KAT6B: variants seen among roughly 807,000 people sequenced by gnomAD.
KAT6B encodes lysine acetyltransferase 6B.
Under a neutral mutation model 187.5 loss-of-function variants are expected in KAT6B, and 10 were observed. The observed-to-expected ratio is 0.05, with a 90% CI of 0.03 to 0.09. KAT6B has a LOEUF of 0.09. Among genes scored for constraint, KAT6B ranks in the 10% least tolerant of loss-of-function variants. The probability of loss-of-function intolerance (pLI) is 1.00; values close to 1 mark genes in which losing one functional copy is unlikely to be tolerated. For missense variants in KAT6B, 1,952 were observed against 2,558.9 expected, an observed-to-expected ratio of 0.76 and a Z score of 5.12; for synonymous variants, 861 against 926.8, an observed-to-expected ratio of 0.93 and a Z score of 1.29.
chr10:74,830,267 G>GT (rs990260692), intron 1 of KAT6B, among the ~76,000 whole-genome samples: 1 of 151,894 alleles, frequency 6.6e-6, no homozygotes, highest in Admixed American at 6.6e-5. Context: ...ACCAATTTTC[G>GT]TATCATCTAT....
Position 75,031,321 on chromosome 10 carries a change from T to A in KAT6B, c.*275T>A. ...GAAGGCCTCTCTTTGGACTACAATT[T>A]GGAGGCAGCCACTTGTTGTGCCTGC... On this transcript the variant is annotated 3_prime_UTR_variant, in exon 18 of 18. Transcript: ENST00000287239. 1 of 469,258 alleles carries A rather than the reference T, an allele frequency of 2.1e-6. No individual in the cohort carries two copies. 29.1% of individuals were successfully genotyped at this position (469,258 alleles called of 1,614,324 possible). A position where few individuals can be genotyped will look rare whatever the true frequency, so the allele number is the denominator to read the frequency against.
chr10:74,863,689 T>TTA (rs2132315730), intron 3 of KAT6B, among the ~76,000 whole-genome samples: 1 of 152,304 alleles, frequency 6.6e-6, no homozygotes, highest in African/African-American at 2.4e-5. Context: ...TTTCTTTGAT[T>TTA]ACTAATGACT....
chr10:74,835,402 G>C, intron 1 of KAT6B, among the ~76,000 whole-genome samples: 1 of 152,198 alleles, frequency 6.6e-6, no homozygotes, highest in Non-Finnish European at 1.5e-5. Context: ...CCTTTAAAGC[G>C]AATCTTATGG....
rs149966353 is a variant in KAT6B, at chr10:75,030,996, A to G, written c.6172A>G (p.Asn2058Asp). Residue 2058 changes from asparagine to aspartate, a missense_variant, in exon 18 of 18, where the codon AAC becomes GAC. Asn to Asp is a conservative substitution (Grantham distance 23). Around this residue, in one of 9 missense-constraint regions of KAT6B, gnomAD observed 358 missense variants for 436.3 expected, o/e 0.82. Transcript: ENST00000287239. The surrounding 1 kb of genome is among the most constrained non-coding windows in gnomAD (Gnocchi z 4.8). The stretch of plus-strand genomic sequence containing the variant: ...GGCCCCCGGACATCACGGCTACATG[A>G]ACACAGGCATGTCCAAACAGTCTCT... The part of the protein sequence containing the change: ...YTAPGHHGYM[N>D]TGMSKQSLNG... 5 of 1,614,064 alleles carry G rather than the reference A, an allele frequency of 3.1e-6. No individual in the cohort carries two copies. Among genetic ancestry groups the G allele is most frequent in the Non-Finnish European group, 4.2e-6 (5 of 1,180,036 alleles).
intron 3 of KAT6B, among the ~76,000 whole-genome samples, chr10:74,869,896 A>G (rs1386210182): frequency 1.3e-5 from 2 of 152,190 alleles, no homozygotes; most frequent in Non-Finnish European, 2.9e-5. Context: ...CACCAAACTT[A>G]GAAGGTTTTT....
intron 13 of KAT6B, among the ~76,000 whole-genome samples, chr10:75,009,553 G>T (rs546278961): frequency 6.6e-6 from 1 of 152,176 alleles, no homozygotes; most frequent in African/African-American, 2.4e-5. Flanking sequence ...CAGAATAGCG[G>T]TTCATTCCAG....
chr10:74,838,950 T>C (rs1271309984), intron 2 of KAT6B, among the ~76,000 whole-genome samples, 198 bp downstream of exon 2: 2 of 152,042 alleles, frequency 1.3e-5, no homozygotes, highest in Non-Finnish European at 2.9e-5. Flanking sequence ...ATCAGGAGTT[T>C]GAGTCCAGCC....
rs897862991 is a variant in KAT6B, at chr10:75,029,855, T to C, written c.5031T>C (p.Thr1677=). ...ACCTGGGCAGTATCGAGAGCACAAC[T>C]GAGAACTACGAAAACCCAAGCAGCT... is the stretch of plus-strand genomic sequence containing the variant. ...FSDLGSIEST[T]ENYENPSSYD... Residue 1677 remains threonine, a synonymous_variant, in exon 18 of 18, where the codon ACT becomes ACC. Transcript: ENST00000287239. The surrounding 1 kb of genome is among the most constrained non-coding windows in gnomAD (Gnocchi z 6.2). 1.9e-6 allele frequency: 3 copies of C among 1,614,148 alleles called. No individual in the cohort carries two copies. Among genetic ancestry groups the C allele is most frequent in the Middle Eastern group, 1.6e-4 (1 of 6,062 alleles).
intron 3 of KAT6B, among the ~76,000 whole-genome samples, chr10:74,912,166 A>AT (rs573223816): frequency 1.7e-4 from 26 of 150,306 alleles, no homozygotes; most frequent in South Asian, 1.3e-3. Flanking sequence ...ATTATGCTCA[A>AT]TTTTTTTTTT....
intron 3 of KAT6B, among the ~76,000 whole-genome samples, chr10:74,858,454 T>C (rs575922197): frequency 3.9e-5 from 6 of 152,166 alleles, no homozygotes; most frequent in African/African-American, 1.4e-4. Context: ...AATTTTTGTA[T>C]ATTTGATAGG....
chr10:74,997,989 G>A (rs568214936), intron 13 of KAT6B, among the ~76,000 whole-genome samples: 38 of 152,138 alleles, frequency 2.5e-4, no homozygotes, highest in Admixed American at 3.9e-4. Flanking sequence ...ATGGGTGCCT[G>A]TAATCCCAGC....
chr10:74,932,242 T>C (rs1308900927), intron 3 of KAT6B, among the ~76,000 whole-genome samples: 1 of 152,232 alleles, frequency 6.6e-6, no homozygotes, highest in Non-Finnish European at 1.5e-5. Context: ...TTTTGAGCAA[T>C]TAACATGCAC....
chr10:74,911,442 AT>A (rs1205142656), intron 3 of KAT6B, among the ~76,000 whole-genome samples: 2 of 151,526 alleles, frequency 1.3e-5, no homozygotes, highest in Non-Finnish European at 1.5e-5. Context: ...AATTTTTTGT[AT>A]TTTTAGTAGA....
rs1287925635 is a variant in KAT6B, at chr10:75,022,176, T to A, written c.3317T>A (p.Ile1106Asn). Residue 1106 changes from isoleucine (I) to asparagine (N), a missense_variant, in exon 16 of 18, where the codon ATT (isoleucine) becomes AAT (asparagine). Physicochemically the swap from Ile to Asn is moderately radical, Grantham distance 149. Transcript: ENST00000287239. Reference protein sequence around the residue: ...EEEEEEEEENIQSSPPRLTKP... With the variant: ...EEEEEEEEENNQSSPPRLTKP... ...GAAGAAGAAGAAGAAGAAGAAAATA[T>A]TCAAAGCTCTCCCCCAAGATTGACG... 1 of 1,613,070 alleles carries A rather than the reference T, an allele frequency of 6.2e-7. No homozygotes were observed. The highest frequency in any genetic ancestry group is 1.3e-5 in the African/African-American group (1 of 74,852).
At chr10:74,975,032 T>TA (rs1289607537) in intron 7 of KAT6B, among the ~76,000 whole-genome samples, 5 of 152,232 alleles carry the variant, frequency 3.3e-5, no homozygotes, top group African/African-American at 4.8e-5. Flanking sequence ...CCTAATACTT[T>TA]AAAAAAGACA....
intron 3 of KAT6B, among the ~76,000 whole-genome samples, chr10:74,848,213 C>A (rs896052948): frequency 6.6e-6 from 1 of 152,214 alleles, no homozygotes; most frequent in Non-Finnish European, 1.5e-5. Flanking sequence ...GCCTCTGTGC[C>A]TGGCCTCCAC....
intron 3 of KAT6B, among the ~76,000 whole-genome samples, chr10:74,926,911 G>A (rs771609340): frequency 2.6e-4 from 40 of 152,068 alleles, no homozygotes; most frequent in Non-Finnish European, 5.4e-4. Flanking sequence ...CTTCATTTTC[G>A]GATGTTTTTT....
At chr10:74,940,427 C>T (rs1849585155) in intron 3 of KAT6B, among the ~76,000 whole-genome samples, 1 of 151,848 alleles carries the variant, frequency 6.6e-6, no homozygotes, top group Non-Finnish European at 1.5e-5. Context: ...AGGCACGTGC[C>T]ACCATGCTGG....
chr10:74,831,097 A>G (rs1840822720), intron 1 of KAT6B, among the ~76,000 whole-genome samples: 1 of 151,922 alleles, frequency 6.6e-6, no homozygotes, highest in African/African-American at 2.4e-5. Context: ...CCAGCTCTTC[A>G]TATACTTTTT....
Sources: gnomAD v4.1 joint callset for allele counts (sites outside exome capture counted in the v4.1 genomes callset) on GRCh38, gnomAD v4.1.1 for gene constraint, gnomAD v4.1.1 regional missense constraint, Gnocchi (gnomAD v3.1) non-coding constraint, MANE v1.5 for transcripts, NCBI Gene and HGNC (gene_info 2026-07-23, HGNC 2026-07-21) for gene names.